The following SMOC2 variants were observed in gnomAD, a reference collection of about 807,000 sequenced individuals.
SMOC2 encodes SPARC related modular calcium binding 2, also known as SPARC-related modular calcium-binding protein 2.
A neutral mutation model predicts 61.4 loss-of-function variants in SMOC2; 39 were observed. That is an observed-to-expected ratio of 0.64 (90% confidence interval 0.49 to 0.83). The LOEUF is 0.83. Ranked by LOEUF, SMOC2 falls within the 40% of genes least tolerant of loss-of-function variation. The probability of loss-of-function intolerance (pLI) is 0.00; values close to 1 mark genes in which losing one functional copy is unlikely to be tolerated. For synonymous variants in SMOC2, 247 were observed against 239.9 expected, an observed-to-expected ratio of 1.03 and a Z score of -0.27; for missense variants, 556 against 592.9, an observed-to-expected ratio of 0.94 and a Z score of 0.65.
chr6:168,659,620 G>A (rs1583194488), intron 11 of SMOC2, among the ~76,000 whole-genome samples: 3 of 136,118 alleles, frequency 2.2e-5, no homozygotes, highest in Non-Finnish European at 4.8e-5. Flanking sequence ...GTTGTAGGCT[G>A]AGTGAGGGTG....
intron 1 of SMOC2, among the ~76,000 whole-genome samples, chr6:168,504,933 A>G (rs72503839): frequency 0.038 from 5,780 of 152,116 alleles, 360 homozygotes; most frequent in East Asian, 0.21. Flanking sequence ...GAAGTCGAAG[A>G]CAATAAAATA....
chr6:168,468,456 G>C (rs982606562), intron 1 of SMOC2, among the ~76,000 whole-genome samples: 15 of 152,094 alleles, frequency 9.9e-5, no homozygotes, highest in African/African-American at 3.6e-4. Context: ...CCTTCCCCCC[G>C]TCCCCCACCG....
At chr6:168,497,890 A>T (rs1782631370) in intron 1 of SMOC2, among the ~76,000 whole-genome samples, 1 of 152,190 alleles carries the variant, frequency 6.6e-6, no homozygotes, top group Admixed American at 6.5e-5. Context: ...ATGAAGTCTC[A>T]CTGCCTTTAG....
At chr6:168,636,254 C>A (rs1027328755) in intron 9 of SMOC2, among the ~76,000 whole-genome samples, 1 of 152,132 alleles carries the variant, frequency 6.6e-6, no homozygotes, top group East Asian at 1.9e-4. Flanking sequence ...GCATGGTGCT[C>A]GGCACAGGTG....
chr6:168,577,207 G>A (rs1329878152), intron 7 of SMOC2, among the ~76,000 whole-genome samples: 1 of 152,130 alleles, frequency 6.6e-6, no homozygotes, highest in Non-Finnish European at 1.5e-5. Context: ...AGACTCTGCT[G>A]GACCAGGATG....
intron 7 of SMOC2, among the ~76,000 whole-genome samples, chr6:168,597,358 A>T (rs1785359756): frequency 6.6e-6 from 1 of 152,228 alleles, no homozygotes; most frequent in Admixed American, 6.5e-5. Context: ...ACAATTATTT[A>T]TTATCTCAAA....
At chr6:168,496,227 G>A (rs1782586395) in intron 1 of SMOC2, among the ~76,000 whole-genome samples, 1 of 152,102 alleles carries the variant, frequency 6.6e-6, no homozygotes, top group African/African-American at 2.4e-5. Context: ...TGTTTCTTGG[G>A]CATTTTGTGG....
chr6:168,527,285 G>T (rs1019572212), intron 3 of SMOC2, among the ~76,000 whole-genome samples: 4 of 152,170 alleles, frequency 2.6e-5, no homozygotes, highest in Admixed American at 2.6e-4. Flanking sequence ...TGGCTCTACA[G>T]TGGGGAGCTC....
chr6:168,523,314 T>C (rs1783376250), intron 2 of SMOC2, among the ~76,000 whole-genome samples: 2 of 148,816 alleles, frequency 1.3e-5, no homozygotes, highest in African/African-American at 4.9e-5. Context: ...GGTCTCGATC[T>C]CCTGACCTCA....
chr6:168,478,909 A>G (rs113556744), intron 1 of SMOC2, among the ~76,000 whole-genome samples: 2 of 149,086 alleles, frequency 1.3e-5, no homozygotes, highest in African/African-American at 2.5e-5. Flanking sequence ...TATCTGGTCT[A>G]GAACAGCCCT....
At chr6:168,563,460 CAT>C (rs1357685629) in intron 7 of SMOC2, among the ~76,000 whole-genome samples, 1 of 152,094 alleles carries the variant, frequency 6.6e-6, no homozygotes, top group Non-Finnish European at 1.5e-5. Context: ...CACACACACA[CAT>C]ATAAACTTTC....
At chr6:168,622,398 T>C (rs1024593666) in intron 9 of SMOC2, among the ~76,000 whole-genome samples, 1 of 151,930 alleles carries the variant, frequency 6.6e-6, no homozygotes, top group African/African-American at 2.4e-5. Context: ...CATTGTTCAA[T>C]TAAACTCCTT....
intron 1 of SMOC2, among the ~76,000 whole-genome samples, chr6:168,457,063 C>T (rs1781602572): frequency 6.6e-6 from 1 of 152,198 alleles, no homozygotes; most frequent in Admixed American, 6.5e-5. Flanking sequence ...GCAAACTGTG[C>T]ACAACCTGGG....
intron 1 of SMOC2, among the ~76,000 whole-genome samples, chr6:168,495,866 G>A (rs1452872818): frequency 3.3e-5 from 5 of 152,150 alleles, no homozygotes; most frequent in Admixed American, 6.5e-5. Context: ...CCACCCACAC[G>A]GCCCGCCCTG....
chr6:168,481,649 G>A (rs1782209286), intron 1 of SMOC2, among the ~76,000 whole-genome samples: 1 of 151,906 alleles, frequency 6.6e-6, no homozygotes, highest in Non-Finnish European at 1.5e-5. Context: ...ATAGAAAAAT[G>A]ACCAAAGTAC....
At chr6:168,488,618 G>T (rs1252914059) in intron 1 of SMOC2, among the ~76,000 whole-genome samples, 1 of 152,240 alleles carries the variant, frequency 6.6e-6, no homozygotes, top group Non-Finnish European at 1.5e-5. Context: ...CAGGACCCAG[G>T]TTCTCAATCG....
chr6:168,486,784 T>C (rs1471502358), intron 1 of SMOC2, among the ~76,000 whole-genome samples: 1 of 152,070 alleles, frequency 6.6e-6, no homozygotes, highest in Non-Finnish European at 1.5e-5. Context: ...AACATATTCT[T>C]AGTTCCAACT....
intron 11 of SMOC2, among the ~76,000 whole-genome samples, chr6:168,655,731 T>C (rs1455118989): frequency 6.6e-6 from 1 of 151,854 alleles, no homozygotes; most frequent in African/African-American, 2.4e-5. Flanking sequence ...CCCTCACACA[T>C]GTGTGCTAGA....
chr6:168,662,717 C>T (rs1031119535), intron 11 of SMOC2, among the ~76,000 whole-genome samples: 5 of 152,098 alleles, frequency 3.3e-5, no homozygotes, highest in Non-Finnish European at 2.9e-5. Flanking sequence ...CTCGGGTCCA[C>T]GTGGGAGAGG....
Sources: gnomAD v4.1 joint callset for allele counts (sites outside exome capture counted in the v4.1 genomes callset) on GRCh38, gnomAD v4.1.1 for gene constraint, MANE v1.5 for transcripts, NCBI Gene and HGNC (gene_info 2026-07-23, HGNC 2026-07-21) for gene names.